CACNA1C: variants seen among roughly 807,000 people sequenced by gnomAD.
CACNA1C encodes voltage-dependent L-type calcium channel subunit alpha-1C.
CACNA1C carries 30 observed loss-of-function variants against 229.0 expected under a neutral mutation model. The ratio of observed to expected loss-of-function variants is 0.13; its 90% CI spans 0.10 to 0.18. The LOEUF is 0.18. Among genes scored for constraint, CACNA1C ranks in the 10% least tolerant of loss-of-function variants. The probability of loss-of-function intolerance (pLI) is 1.00; values close to 1 mark genes in which losing one functional copy is unlikely to be tolerated. For missense variants in CACNA1C, 1,658 were observed against 2,845.0 expected (o/e 0.58, Z 9.49); for synonymous variants, 1,114 against 1,132.5 (o/e 0.98, Z 0.33).
intron 28 of CACNA1C, among the ~76,000 whole-genome samples, chr12:2,611,663 G>C (rs2077870433): frequency 6.6e-6 from 1 of 152,134 alleles, no homozygotes; most frequent in Admixed American, 6.5e-5. Context: ...TCTCCATAAA[G>C]TTGTCACGGC....
rs1459228024 is a variant in CACNA1C, at chr12:2,678,836, G to A, written c.5092-608G>A. Among the ~76,000 whole-genome samples, 4 of 152,168 alleles carry A rather than the reference G, an allele frequency of 2.6e-5. No homozygotes were observed. Among genetic ancestry groups the A allele is most frequent in the Non-Finnish European group, 5.9e-5 (4 of 68,030 alleles). On this transcript the variant is annotated intron_variant, in intron 41 of 46. Transcript: ENST00000399655. The surrounding 1 kb of genome is among the most constrained non-coding windows in gnomAD (Gnocchi z 4.1). ...GGAACAACCGTGCAAATAGCTACTT[G>A]CCCACTTCCCCAGGACAAGGAAAAG...
At chr12:2,394,941 C>G (rs2098545875) in intron 3 of CACNA1C, among the ~76,000 whole-genome samples, 1 of 152,234 alleles carries the variant, frequency 6.6e-6, no homozygotes, top group South Asian at 2.1e-4. Flanking sequence ...TCACTGTCAA[C>G]TTGTCTAAGT....
At chr12:2,425,697 C>G (rs537935435) in intron 3 of CACNA1C, among the ~76,000 whole-genome samples, 1 of 152,312 alleles carries the variant, frequency 6.6e-6, no homozygotes, top group South Asian at 2.1e-4. Context: ...GGGCTTCATG[C>G]TCTCCTCATT....
chr12:2,198,262 G>A (rs1394343977), intron 3 of CACNA1C, among the ~76,000 whole-genome samples: 1 of 152,150 alleles, frequency 6.6e-6, no homozygotes, highest in Non-Finnish European at 1.5e-5. Flanking sequence ...CAGCAAGCAG[G>A]AGCTGATTAC....
intron 1 of CACNA1C, among the ~76,000 whole-genome samples, chr12:2,066,387 G>A (rs2059287105): frequency 6.6e-6 from 1 of 152,184 alleles, no homozygotes; most frequent in Non-Finnish European, 1.5e-5. Context: ...GACAATGACA[G>A]AGTAGTCAGG....
chr12:2,671,178 C>G (rs570070237), intron 38 of CACNA1C, among the ~76,000 whole-genome samples: 6 of 152,158 alleles, frequency 3.9e-5, no homozygotes, highest in Admixed American at 3.9e-4. Flanking sequence ...CCACGCCCGG[C>G]TAATTTTTGT....
intron 38 of CACNA1C, among the ~76,000 whole-genome samples, chr12:2,670,251 A>C (rs1469258573): frequency 6.6e-6 from 1 of 152,190 alleles, no homozygotes; most frequent in Non-Finnish European, 1.5e-5. Context: ...CTTCCAGCTT[A>C]AAGCTCAGGC....
chr12:2,634,312 G>T lies in CACNA1C; in HGVS notation c.3844G>T (p.Ala1282Ser). 6.4e-7 allele frequency: 1 copy of T among 1,565,716 alleles called. No homozygotes were observed. Among genetic ancestry groups the T allele is most frequent in the Non-Finnish European group, 8.7e-7 (1 of 1,153,480 alleles). The change falls in exon 30 of 47, where the codon GCA becomes TCA. Residue 1282 changes from alanine (A) to serine (S), a missense_variant. Physicochemically the swap from Ala to Ser is moderately conservative, Grantham distance 99. Coordinates refer to ENST00000399655, the MANE Select transcript of CACNA1C (RefSeq NM_000719.7). ...AFKPKHYFCDAWNTFDALIVV... is the reference protein window; with the variant it reads ...AFKPKHYFCDSWNTFDALIVV... ...CCCCATGCAGCACTATTTCTGTGATGCATGGAATACATTTGACGCCTTGAT... is the reference window on the plus strand; with the variant it reads ...CCCCATGCAGCACTATTTCTGTGATTCATGGAATACATTTGACGCCTTGAT...
At chr12:2,670,346 T>C (rs1040076027) in intron 38 of CACNA1C, among the ~76,000 whole-genome samples, 1 of 152,192 alleles carries the variant, frequency 6.6e-6, no homozygotes, top group African/African-American at 2.4e-5. Context: ...CTCTCACTAA[T>C]GACATGAGTA....
intron 3 of CACNA1C, among the ~76,000 whole-genome samples, chr12:2,374,918 A>T (rs2097997314): frequency 6.6e-6 from 1 of 152,170 alleles, no homozygotes; most frequent in Non-Finnish European, 1.5e-5. Context: ...TCACATCGGG[A>T]TCTGTGGCAG....
At chr12:2,065,642 G>T (rs1006747997) in intron 1 of CACNA1C, among the ~76,000 whole-genome samples, 1 of 152,104 alleles carries the variant, frequency 6.6e-6, no homozygotes, top group Non-Finnish European at 1.5e-5. Context: ...GATGTTACAA[G>T]GATATAAAGA....
intron 3 of CACNA1C, among the ~76,000 whole-genome samples, chr12:2,416,893 G>T (rs546062563): frequency 6.6e-6 from 1 of 152,220 alleles, no homozygotes; most frequent in African/African-American, 2.4e-5. Context: ...AGCAGAGGCC[G>T]GATTCGAACC....
chr12:2,683,601 C>T (rs1448840720), intron 43 of CACNA1C, among the ~76,000 whole-genome samples: 1 of 152,222 alleles, frequency 6.6e-6, no homozygotes, highest in African/African-American at 2.4e-5. Context: ...GCCTGGGTCC[C>T]ATGGGCTTGC....
intron 3 of CACNA1C, among the ~76,000 whole-genome samples, chr12:2,255,628 C>T (rs987252020): frequency 6.6e-6 from 1 of 152,214 alleles, no homozygotes; most frequent in Non-Finnish European, 1.5e-5. Flanking sequence ...TGGTGGCCTT[C>T]AGAAGACCAG....
intron 1 of CACNA1C, among the ~76,000 whole-genome samples, chr12:2,076,588 A>G (rs1171039378): frequency 6.6e-6 from 1 of 152,054 alleles, no homozygotes; most frequent in African/African-American, 2.4e-5. Context: ...TTCATGAGCA[A>G]AAACAGTTTT....
At chr12:2,378,056 G>A (rs372478029) in intron 3 of CACNA1C, among the ~76,000 whole-genome samples, 5 of 152,164 alleles carry the variant, frequency 3.3e-5, no homozygotes, top group South Asian at 2.1e-4. Context: ...CCGCAGAGCC[G>A]AGTCATGACT....
chr12:2,084,528 C>T (rs996608645), intron 1 of CACNA1C, among the ~76,000 whole-genome samples: 1 of 152,194 alleles, frequency 6.6e-6, no homozygotes, highest in Non-Finnish European at 1.5e-5. Flanking sequence ...CCCACGTTCT[C>T]CCGTGGCTTC....
rs1387422430 is a variant in CACNA1C at position 2,215,880 on chromosome 12, C to T, written c.477+95450C>T. 6.6e-6 allele frequency among the ~76,000 whole-genome samples: 1 copy of T among 152,208 alleles called. No individual in the cohort carries two copies. Among genetic ancestry groups the T allele is most frequent in the Non-Finnish European group, 1.5e-5 (1 of 68,034 alleles). ...GTCCTAGAACACGCCCTGCTGCCAC[C>T]AGTGTGACATCAGCCGTGGTTGTGA... is the stretch of plus-strand genomic sequence containing the variant. On this transcript the variant is annotated intron_variant, in intron 3 of 46. Transcript: ENST00000399655. The surrounding 1 kb of genome is among the most constrained non-coding windows in gnomAD (Gnocchi z 5.0).
intron 1 of CACNA1C, among the ~76,000 whole-genome samples, chr12:2,097,681 G>T (rs1217765421): frequency 2.0e-5 from 3 of 152,174 alleles, no homozygotes; most frequent in African/African-American, 7.2e-5. Flanking sequence ...GCTGTTCCTA[G>T]CTGGGGGCCC....
Sources: allele counts gnomAD v4.1 joint callset (sites outside exome capture counted in the v4.1 genomes callset), GRCh38; gene constraint gnomAD v4.1.1; non-coding constraint Gnocchi (gnomAD v3.1); transcripts MANE v1.5; gene names NCBI Gene and HGNC (gene_info 2026-07-23, HGNC 2026-07-21).